Variants in UBXN2B observed in about 807,000 individuals in gnomAD.
UBXN2B encodes UBX domain protein 2B.
In UBXN2B, 19 loss-of-function variants were observed where a neutral mutation model predicts 37.5. The ratio of observed to expected loss-of-function variants is 0.51; its 90% CI spans 0.35 to 0.74. The LOEUF is 0.74. Ranked by LOEUF, UBXN2B falls within the 30% of genes least tolerant of loss-of-function variation. The probability of loss-of-function intolerance (pLI) is 0.01; values close to 1 mark genes in which losing one functional copy is unlikely to be tolerated. For synonymous variants in UBXN2B, 145 were observed against 143.8 expected, an observed-to-expected ratio of 1.01 and a Z score of -0.06; for missense variants, 370 against 393.2, an observed-to-expected ratio of 0.94 and a Z score of 0.50.
rs190083161 is a variant in UBXN2B at position 58,422,398 on chromosome 8, G to A, written c.188+5445G>A. On this transcript the variant is annotated intron_variant, in intron 2 of 7. Coordinates refer to ENST00000399598, the MANE Select transcript of UBXN2B (RefSeq NM_001077619.2). ...GGAGCCAAAGTCAGAAGAATCCGAG[G>A]AAACAATAACTTCACAGCAAAGATG... 1.2e-3 allele frequency among the ~76,000 whole-genome samples: 188 copies of A among 152,282 alleles called. 1 individual carries two copies. Among genetic ancestry groups the A allele is most frequent in the Middle Eastern group, 3.4e-3 (1 of 294 alleles).
At chr8:58,412,698 C>T (rs947429903) in intron 1 of UBXN2B, among the ~76,000 whole-genome samples, 1 of 152,216 alleles carries the variant, frequency 6.6e-6, no homozygotes, top group Non-Finnish European at 1.5e-5. Flanking sequence ...TTTGGTTTGC[C>T]TCTTAGTCCT....
intron 2 of UBXN2B, among the ~76,000 whole-genome samples, chr8:58,420,670 AT>A (rs1174205178): frequency 6.6e-6 from 1 of 152,242 alleles, no homozygotes; most frequent in Non-Finnish European, 1.5e-5. Context: ...CAGACAAATT[AT>A]TAATTACATG....
intron 2 of UBXN2B, chr8:58,425,225 T>C (rs1808049469): frequency 1.9e-6 from 2 of 1,065,394 alleles, no homozygotes; most frequent in African/African-American, 3.1e-5. Context: ...CTAACACGCA[T>C]GATGCCATAT....
chr8:58,446,209 A>T lies in UBXN2B; in HGVS notation c.833+141A>T, dbSNP rs547206106. ...TTGAAGTAAGTTTTTGACAGAAGAA[A>T]CATTTTTAAAAGGACAATAGCTGTG... On this transcript the variant is annotated intron_variant, in intron 7 of 7. Transcript: ENST00000399598. 123 of 874,226 alleles carry T rather than the reference A, an allele frequency of 1.4e-4. No homozygotes were observed. The East Asian group carries it at 3.4e-3, about 24-fold the overall frequency. 54.2% of individuals were successfully genotyped at this position (874,226 alleles called of 1,614,324 possible). A position where few individuals can be genotyped will look rare whatever the true frequency, so the allele number is the denominator to read the frequency against.
At chr8:58,438,126 G>A (rs1055224635) in intron 5 of UBXN2B, among the ~76,000 whole-genome samples, 11 of 152,142 alleles carry the variant, frequency 7.2e-5, no homozygotes, top group Admixed American at 5.9e-4. Flanking sequence ...GCCTCCACTC[G>A]CTCTGAAGGG....
At chr8:58,412,980 C>G (rs144607725) in intron 1 of UBXN2B, among the ~76,000 whole-genome samples, 2 of 152,172 alleles carry the variant, frequency 1.3e-5, no homozygotes, top group South Asian at 4.1e-4. Flanking sequence ...AACTTAATGT[C>G]CTTTCCCTAA....
At chr8:58,424,502 C>T (rs762844934) in intron 2 of UBXN2B, 31 of 686,720 alleles carry the variant, frequency 4.5e-5, no homozygotes, top group Non-Finnish European at 7.0e-5. Context: ...TTGGTCTTCA[C>T]ATAAACTTTC....
At chr8:58,444,217 G>C (rs953717507) in intron 6 of UBXN2B, among the ~76,000 whole-genome samples, 1 of 152,146 alleles carries the variant, frequency 6.6e-6, no homozygotes, top group Non-Finnish European at 1.5e-5. Flanking sequence ...CTTACCAATA[G>C]GAATATTGGG....
rs869090698 is a variant in UBXN2B at position 58,446,779 on chromosome 8, A to ATTTTTTT, written c.834-580_834-574dup. Among the ~76,000 whole-genome samples, 50 of 17,400 alleles carry ATTTTTTT rather than the reference A, an allele frequency of 2.9e-3. 18 individuals carry two copies. The highest frequency in any genetic ancestry group is 0.01 in the East Asian group (5 of 496). 11.4% of individuals were successfully genotyped at this position (17,400 alleles called of 152,430 possible). ...ATACTCCGAAAAAAGTACAACCTGC[A>ATTTTTTT]TTTTTTTTTTTTTTTTTTTTTTTTT... On this transcript the variant is annotated intron_variant, in intron 7 of 7. Transcript: ENST00000399598.
chr8:58,433,182 G>T lies in UBXN2B; in HGVS notation c.362G>T (p.Arg121Ile). 1 of 1,613,016 alleles carries T rather than the reference G, an allele frequency of 6.2e-7. No homozygotes were observed. Residue 121 changes from arginine to isoleucine, a missense_variant, in exon 4 of 8, where the codon AGA (arginine) becomes ATA (isoleucine). Physicochemically the swap from Arg to Ile is moderately conservative, Grantham distance 97. Coordinates refer to ENST00000399598, the MANE Select transcript of UBXN2B (RefSeq NM_001077619.2). Reference sequence around the variant, plus strand: ...TAGTCATTTACAGGTGGAGGATACAGATTGGGTAGTTCTTTTTGTAAGCGG... The same window carrying T: ...TAGTCATTTACAGGTGGAGGATACATATTGGGTAGTTCTTTTTGTAAGCGG... The part of the protein sequence containing the change: ...KSKSFTGGGY[R>I]LGSSFCKRSE...
chr8:58,421,394 A>G lies in UBXN2B; in HGVS notation c.188+4441A>G, dbSNP rs565692706. 7.9e-5 allele frequency among the ~76,000 whole-genome samples: 12 copies of G among 152,230 alleles called. No individual in the cohort carries two copies. In the South Asian group the frequency reaches 2.5e-3, roughly 32 times the overall value. On this transcript the variant is annotated intron_variant, in intron 2 of 7. Coordinates refer to ENST00000399598, the MANE Select transcript of UBXN2B (RefSeq NM_001077619.2). ...ACTGTGAAATTTGTCTTTTTTAAAA[A>G]AACCCAATACCATGTGCCAGATAAC...
intron 6 of UBXN2B, 136 bp downstream of exon 6, chr8:58,439,906 TATATC>T (rs1808501825): frequency 7.6e-6 from 5 of 657,916 alleles, no homozygotes; most frequent in East Asian, 6.1e-5. Context: ...CTGTTAATAT[TATATC>T]ATAATATTAT....
At chr8:58,437,522 A>C (rs1333084011) in intron 5 of UBXN2B, among the ~76,000 whole-genome samples, 1 of 151,496 alleles carries the variant, frequency 6.6e-6, no homozygotes, top group Non-Finnish European at 1.5e-5. Flanking sequence ...GATGGGTTTC[A>C]CCATCTTGGC....
chr8:58,429,756 A>G (rs1428787815), intron 2 of UBXN2B, among the ~76,000 whole-genome samples: 8 of 152,212 alleles, frequency 5.3e-5, no homozygotes, highest in Non-Finnish European at 1.2e-4. Flanking sequence ...TTGGAGAGTT[A>G]TAAGTATTTT....
At chr8:58,425,197 G>T in intron 2 of UBXN2B, 2 of 945,172 alleles carry the variant, frequency 2.1e-6, no homozygotes, top group Non-Finnish European at 3.5e-6. Context: ...GTTGTGAGCG[G>T]TGCTTTCTCT....
intron 7 of UBXN2B, 133 bp downstream of exon 7, chr8:58,446,201 C>G: frequency 7.6e-6 from 7 of 919,178 alleles, no homozygotes; most frequent in Non-Finnish European, 1.1e-5. Flanking sequence ...AAGTTTTTGA[C>G]AGAAGAAACA....
At chr8:58,426,293 G>A (rs1808085108) in intron 2 of UBXN2B, 3 of 484,972 alleles carry the variant, frequency 6.2e-6, no homozygotes, top group Non-Finnish European at 1.1e-5. Flanking sequence ...TGTAAGCTCC[G>A]CCTGCTGGGT....
rs61733273 is a variant in UBXN2B, at chr8:58,416,905, A to G, written c.140A>G (p.Asn47Ser). 3.1e-6 allele frequency: 5 copies of G among 1,612,990 alleles called. No individual in the cohort carries two copies. The highest frequency in any genetic ancestry group is 1.7e-5 in the Admixed American group (1 of 59,982). The change falls in exon 2 of 8, where the codon AAT (asparagine) becomes AGT (serine). Residue 47 changes from asparagine to serine, a missense_variant. By Grantham distance (46) the Asn-to-Ser change is conservative. This residue lies in a region of UBXN2B where 197 missense variants were observed against 170.2 expected (regional missense o/e 1.16). Transcript: ENST00000399598. The stretch of plus-strand genomic sequence containing the variant: ...GTGAAGTGCAAATCTTCCAAGTCTA[A>G]TAGACCTAAAGCCACAGTCTTCAAG... The part of the protein sequence containing the change: ...DEVKCKSSKS[N>S]RPKATVFKSP...
chr8:58,442,334 T>C (rs532048950), intron 6 of UBXN2B, among the ~76,000 whole-genome samples: 1 of 152,318 alleles, frequency 6.6e-6, no homozygotes, highest in Admixed American at 6.5e-5. Context: ...TAGAACATTT[T>C]ATATTAAAGA....
Sources: gnomAD v4.1 joint callset for allele counts (sites outside exome capture counted in the v4.1 genomes callset) on GRCh38, gnomAD v4.1.1 for gene constraint, gnomAD v4.1.1 regional missense constraint, MANE v1.5 for transcripts, NCBI Gene and HGNC (gene_info 2026-07-23, HGNC 2026-07-21) for gene names.